The following ABRAXAS2 variants were observed in gnomAD, a reference collection of about 807,000 sequenced individuals.
ABRAXAS2 encodes the protein abraxas 2, BRISC complex subunit, also known as BRISC complex subunit Abraxas 2.
Under a neutral mutation model 49.0 loss-of-function variants are expected in ABRAXAS2, and 23 were observed. The ratio of observed to expected loss-of-function variants is 0.47; its 90% CI spans 0.34 to 0.66. ABRAXAS2 has a LOEUF of 0.66. Among genes scored for constraint, ABRAXAS2 ranks in the 30% least tolerant of loss-of-function variants. ABRAXAS2 has a pLI of 0.01. For missense variants in ABRAXAS2, 443 were observed against 511.9 expected (o/e 0.87, Z 1.30); for synonymous variants, 168 against 180.2 (o/e 0.93, Z 0.54).
intron 1 of ABRAXAS2, among the ~76,000 whole-genome samples, chr10:124,803,203 C>A (rs957822178): frequency 6.6e-6 from 1 of 152,140 alleles, no homozygotes; most frequent in African/African-American, 2.4e-5. Flanking sequence ...CAAGCAGCTA[C>A]CTGTTGAAAA....
At chr10:124,808,142 C>G (rs117492278) in intron 2 of ABRAXAS2, among the ~76,000 whole-genome samples, 5 of 151,778 alleles carry the variant, frequency 3.3e-5, no homozygotes, top group African/African-American at 1.2e-4. Flanking sequence ...ATACTCTGAA[C>G]AAAGCAAGGA....
chr10:124,833,787 A>C (rs1950950047), intron 8 of ABRAXAS2, among the ~76,000 whole-genome samples: 1 of 152,186 alleles, frequency 6.6e-6, no homozygotes, highest in Non-Finnish European at 1.5e-5. Context: ...AAAAATTGAA[A>C]TGTTACCTAC....
rs1564927449 is a variant in ABRAXAS2 at position 124,835,745 on chromosome 10, ACAG to A, written c.*778_*780del. On this transcript the variant is annotated 3_prime_UTR_variant, in exon 9 of 9. Transcript: ENST00000298492. ...TCTGTTCTGGAATCTTGGAGGACAC[ACAG>A]CAGTGGAGAACAGAAGGAGTGAGTT... is the stretch of plus-strand genomic sequence containing the variant. 1 of 152,242 alleles carries A rather than the reference ACAG, an allele frequency of 6.6e-6. No homozygotes were observed. Among genetic ancestry groups the A allele is most frequent in the African/African-American group, 2.4e-5 (1 of 41,460 alleles). The allele number at this position is 152,242 out of a possible 1,614,324, so 9.4% of individuals were successfully genotyped here.
intron 2 of ABRAXAS2, among the ~76,000 whole-genome samples, chr10:124,813,407 G>A (rs886167102): frequency 3.3e-5 from 5 of 152,110 alleles, no homozygotes; most frequent in Admixed American, 1.3e-4. Context: ...ATGAAAGCAG[G>A]AAGGAGAAGA....
chr10:124,823,857 A>G (rs527316921), intron 4 of ABRAXAS2, among the ~76,000 whole-genome samples: 35 of 152,360 alleles, frequency 2.3e-4, no homozygotes, highest in Non-Finnish European at 4.0e-4. Context: ...GATATCACCA[A>G]TACACATTAA....
At chr10:124,805,265 C>T (rs1950733717) in intron 1 of ABRAXAS2, among the ~76,000 whole-genome samples, 1 of 149,896 alleles carries the variant, frequency 6.7e-6, no homozygotes. Context: ...CCCCGGGAGG[C>T]GGAGCTTGCA....
intron 2 of ABRAXAS2, among the ~76,000 whole-genome samples, chr10:124,815,892 CT>C (rs34730970): frequency 0.55 from 52,424 of 94,572 alleles, 14,680 homozygotes; most frequent in East Asian, 0.66. Flanking sequence ...GTCCTCGCAG[CT>C]TTTTTTTTTT....
At chr10:124,818,431 A>G (rs920010519) in intron 3 of ABRAXAS2, among the ~76,000 whole-genome samples, 1 of 151,660 alleles carries the variant, frequency 6.6e-6, no homozygotes, top group African/African-American at 2.4e-5. Flanking sequence ...AGACTCAGTT[A>G]TTAGAGCCAA....
chr10:124,813,230 G>A (rs1950802434), intron 2 of ABRAXAS2, among the ~76,000 whole-genome samples: 1 of 152,180 alleles, frequency 6.6e-6, no homozygotes, highest in Non-Finnish European at 1.5e-5. Context: ...ATCACATTTT[G>A]AACATGAAAT....
Position 124,801,842 on chromosome 10 carries a change from A to T in ABRAXAS2, c.13A>T (p.Ile5Phe). The T allele has an allele frequency of 1.2e-6, 2 of 1,613,332 alleles. No homozygotes were observed. The highest frequency in any genetic ancestry group is 2.2e-5 in the South Asian group (2 of 91,076). The change falls in exon 1 of 9, where the codon ATT becomes TTT. Residue 5 changes from isoleucine (I) to phenylalanine (F), a missense_variant. This residue lies in a region of ABRAXAS2 where 47 missense variants were observed against 27.6 expected (regional missense o/e 1.70). Coordinates refer to ENST00000298492, the MANE Select transcript of ABRAXAS2 (RefSeq NM_032182.4). MAAS[I>F]SGYTFSAVCF... is the part of the protein sequence containing the mutation. ...GGAGATTTCCATCATGGCGGCGTCC[A>T]TTTCGGGCTACACCTTCAGTGCTGT...
Position 124,818,765 on chromosome 10 carries a change from C to A in ABRAXAS2, c.201-619C>A, listed in dbSNP as rs370028377. On this transcript the variant is annotated intron_variant, in intron 3 of 8. Coordinates refer to ENST00000298492, the MANE Select transcript of ABRAXAS2 (RefSeq NM_032182.4). Reference sequence around the variant, plus strand: ...ACCACGGGATCCTGGTCATGTTGGTCTCTTTTGGAGGTGATTGTATTAGGT... The same window carrying A: ...ACCACGGGATCCTGGTCATGTTGGTATCTTTTGGAGGTGATTGTATTAGGT... 1.8e-4 allele frequency among the ~76,000 whole-genome samples: 28 copies of A among 152,272 alleles called. No homozygotes were observed. The East Asian group carries it at 2.1e-3, about 12-fold the overall frequency.
intron 3 of ABRAXAS2, among the ~76,000 whole-genome samples, chr10:124,817,728 G>T (rs1349675849): frequency 6.6e-6 from 1 of 152,058 alleles, no homozygotes; most frequent in Non-Finnish European, 1.5e-5. Flanking sequence ...AATCCCTGGG[G>T]ACTTGTGTCA....
Position 124,826,697 on chromosome 10 carries a change from G to T in ABRAXAS2, c.370G>T (p.Asp124Tyr). ...KQLTRILGVP[D>Y]LVFLLFSFIS... ...GCTCACCCGCATCCTCGGCGTGCCC[G>T]ACCTCGTCTTTCTTCTCTTCAGCTT... Residue 124 changes from aspartate (D) to tyrosine (Y), a missense_variant, in exon 5 of 9, where the codon GAC (aspartate) becomes TAC (tyrosine). Physicochemically the swap from Asp to Tyr is radical, Grantham distance 160. Around this residue, in one of 3 missense-constraint regions of ABRAXAS2, gnomAD observed 166 missense variants for 247.3 expected, o/e 0.67. Transcript: ENST00000298492. The T allele has an allele frequency of 6.2e-7, 1 of 1,614,164 alleles. No individual in the cohort carries two copies.
intron 4 of ABRAXAS2, among the ~76,000 whole-genome samples, chr10:124,824,534 C>CAAAAAAAAAAAAAAAAAAAA (rs531680713): frequency 1.3e-5 from 1 of 78,198 alleles, no homozygotes. Flanking sequence ...TCTCAAAAAC[C>CAAAAAAAAAAAAAAAAAAAA]AAAAAAAAAA....
intron 4 of ABRAXAS2, among the ~76,000 whole-genome samples, chr10:124,821,288 T>C (rs1191843985): frequency 6.8e-6 from 1 of 147,658 alleles, no homozygotes; most frequent in Non-Finnish European, 1.5e-5. Context: ...AGAAATCGGC[T>C]GGGTGCGGTG....
chr10:124,817,970 T>C (rs1306100823), intron 3 of ABRAXAS2, among the ~76,000 whole-genome samples: 5 of 152,220 alleles, frequency 3.3e-5, no homozygotes, highest in Non-Finnish European at 7.3e-5. Context: ...TGCTTCTGTC[T>C]GGTCTACGAA....
chr10:124,818,880 AT>A (rs1950842788), intron 3 of ABRAXAS2, among the ~76,000 whole-genome samples: 1 of 152,146 alleles, frequency 6.6e-6, no homozygotes, highest in Admixed American at 6.5e-5. Flanking sequence ...TGGTGTGTTT[AT>A]CTATGAAACT....
chr10:124,819,499 C>A, intron 4 of ABRAXAS2, 49 bp downstream of exon 4: 2 of 1,506,544 alleles, frequency 1.3e-6, no homozygotes, highest in South Asian at 1.1e-5. Flanking sequence ...TTCCTTATCA[C>A]CGAAAAGATA....
At chr10:124,802,964 T>C (rs886463581) in intron 1 of ABRAXAS2, among the ~76,000 whole-genome samples, 3 of 152,172 alleles carry the variant, frequency 2.0e-5, no homozygotes, top group African/African-American at 7.2e-5. Context: ...GTGTTGATGG[T>C]AGAACTTAAT....
Sources: gnomAD v4.1 joint callset for allele counts (sites outside exome capture counted in the v4.1 genomes callset) on GRCh38, gnomAD v4.1.1 for gene constraint, gnomAD v4.1.1 regional missense constraint, MANE v1.5 for transcripts, NCBI Gene and HGNC (gene_info 2026-07-23, HGNC 2026-07-21) for gene names.